MATN2: variants seen among roughly 807,000 people sequenced by gnomAD.
MATN2 encodes the protein matrilin-2.
In MATN2, 69 loss-of-function variants were observed where a neutral mutation model predicts 103.2. That is an observed-to-expected ratio of 0.67 (90% CI 0.55 to 0.82). The LOEUF (loss-of-function observed/expected upper bound fraction) is 0.82. Ranked by LOEUF, MATN2 falls within the 40% of genes least tolerant of loss-of-function variation. The pLI is 0.00. For synonymous variants in MATN2, 429 were observed against 450.2 expected (o/e 0.95, Z 0.60); for missense variants, 1,023 against 1,211.5 (o/e 0.84, Z 2.31).
chr8:98,017,980 T>C lies in MATN2; in HGVS notation c.1697-14T>C. 1 of 1,612,846 alleles carries C rather than the reference T, an allele frequency of 6.2e-7. No homozygotes were observed. The highest frequency in any genetic ancestry group is 8.5e-7 in the Non-Finnish European group (1 of 1,179,312). On this transcript the variant is annotated splice_polypyrimidine_tract_variant and intron_variant, in intron 11 of 18. Coordinates refer to ENST00000254898, the MANE Select transcript of MATN2 (RefSeq NM_002380.5). ...TGTTGTTGAAATTGTTGTAACTTGC[T>C]CTCCTGTCTTCAGGGAAAGATGTCT...
At chr8:97,912,395 T>A (rs1473185067) in intron 2 of MATN2, among the ~76,000 whole-genome samples, 1 of 152,114 alleles carries the variant, frequency 6.6e-6, no homozygotes, top group Non-Finnish European at 1.5e-5. Context: ...CTTAACGGAG[T>A]CAGCGAGAGC....
At chr8:98,033,709 C>A in intron 18 of MATN2, 50 bp downstream of exon 18, 2 of 1,154,738 alleles carry the variant, frequency 1.7e-6, no homozygotes, top group Non-Finnish European at 2.5e-6. Context: ...AGAATATTAT[C>A]AAAACTTCAC....
At chr8:97,896,696 A>G (rs1818818934) in intron 2 of MATN2, among the ~76,000 whole-genome samples, 1 of 150,594 alleles carries the variant, frequency 6.6e-6, no homozygotes, top group Non-Finnish European at 1.5e-5. Flanking sequence ...ATCAGGCAAC[A>G]TAACAGGGCT....
chr8:97,948,320 T>G (rs1003688506), intron 4 of MATN2, among the ~76,000 whole-genome samples: 4 of 152,216 alleles, frequency 2.6e-5, no homozygotes, highest in African/African-American at 9.6e-5. Context: ...GACTTGGGGT[T>G]ACAAGCAAAT....
Position 97,982,796 on chromosome 8 carries a change from G to A in MATN2, c.1081+3788G>A, listed in dbSNP as rs780763460. Among the ~76,000 whole-genome samples, 25 of 152,300 alleles carry A rather than the reference G, an allele frequency of 1.6e-4. No homozygotes were observed. Among genetic ancestry groups the A allele is most frequent in the South Asian group, 4.1e-4 (2 of 4,832 alleles). On this transcript the variant is annotated intron_variant, in intron 6 of 18. Coordinates refer to ENST00000254898, the MANE Select transcript of MATN2 (RefSeq NM_002380.5). The surrounding 1 kb of genome is among the most constrained non-coding windows in gnomAD (Gnocchi z 4.3). ...CCATCAGTTTGCAAAAAGTTAGCAA[G>A]ACTTTTCTTTTTCTGGTATTGTTAT... is the stretch of plus-strand genomic sequence containing the variant.
At chr8:97,884,609 A>G (rs1301642710) in intron 1 of MATN2, among the ~76,000 whole-genome samples, 2 of 152,066 alleles carry the variant, frequency 1.3e-5, no homozygotes, top group East Asian at 3.9e-4. Flanking sequence ...CGCCTCTACT[A>G]AAATACAAAA....
chr8:98,029,540 T>TA (rs374303149), intron 14 of MATN2, among the ~76,000 whole-genome samples: 22 of 152,334 alleles, frequency 1.4e-4, no homozygotes, highest in African/African-American at 5.1e-4. Context: ...GTCTTATGTA[T>TA]AGCAAACAGA....
At chr8:97,963,040 A>G (rs1811364339) in intron 5 of MATN2, among the ~76,000 whole-genome samples, 1 of 152,144 alleles carries the variant, frequency 6.6e-6, no homozygotes, top group South Asian at 2.1e-4. Flanking sequence ...GAGGGTGAGG[A>G]AGAAGAATCA....
intron 2 of MATN2, among the ~76,000 whole-genome samples, chr8:97,930,117 A>T (rs1028163603): frequency 6.6e-6 from 1 of 152,180 alleles, no homozygotes. Flanking sequence ...AACACCACGC[A>T]TCTATAAGGT....
At chr8:97,892,874 C>T (rs1052512853) in intron 2 of MATN2, among the ~76,000 whole-genome samples, 2 of 152,146 alleles carry the variant, frequency 1.3e-5, no homozygotes, top group Non-Finnish European at 2.9e-5. Flanking sequence ...GAGAATTGTT[C>T]CCAGTGAAGG....
rs1161226138 is a variant in MATN2 at position 98,027,480 on chromosome 8, G to T, written c.2007G>T (p.Glu669Asp). The change falls in exon 14 of 19, where the codon GAG (glutamate) becomes GAT (aspartate). Residue 669 changes from glutamate to aspartate, a missense_variant. Physicochemically the swap from Glu to Asp is conservative, Grantham distance 45 (BLOSUM62 2). Coordinates refer to ENST00000254898, the MANE Select transcript of MATN2 (RefSeq NM_002380.5). The stretch of plus-strand genomic sequence containing the variant: ...ATGGATCCAAGAGTCTTGGAGAAGA[G>T]AATTTTGAGGTCGTGAAGCAGTTTG... ...VIDGSKSLGE[E>D]NFEVVKQFVT... 1 of 1,613,902 alleles carries T rather than the reference G, an allele frequency of 6.2e-7. No individual in the cohort carries two copies. The highest frequency in any genetic ancestry group is 1.1e-5 in the South Asian group (1 of 91,074).
At chr8:97,963,271 C>T (rs1317817388) in intron 5 of MATN2, among the ~76,000 whole-genome samples, 1 of 152,128 alleles carries the variant, frequency 6.6e-6, no homozygotes, top group East Asian at 1.9e-4. Context: ...GCTGTTTGGT[C>T]AGGAGGAAAT....
intron 2 of MATN2, among the ~76,000 whole-genome samples, chr8:97,894,789 T>C (rs1000640360): frequency 6.6e-6 from 1 of 152,178 alleles, no homozygotes; most frequent in Non-Finnish European, 1.5e-5. Context: ...CAATGTGAAG[T>C]TGTTGGCTGC....
chr8:97,986,869 G>A (rs1812211784), intron 6 of MATN2, among the ~76,000 whole-genome samples: 1 of 152,066 alleles, frequency 6.6e-6, no homozygotes, highest in African/African-American at 2.4e-5. Flanking sequence ...GTCTCGCTCT[G>A]TGGCCCAGGC....
chr8:97,959,288 G>A (rs1038300648), intron 4 of MATN2, among the ~76,000 whole-genome samples: 2 of 152,210 alleles, frequency 1.3e-5, no homozygotes, highest in African/African-American at 4.8e-5. Context: ...CTGCGTGACA[G>A]CAGAAACCCC....
At chr8:98,032,102 T>C (rs1251206304) in intron 15 of MATN2, 144 bp from the exon 16 acceptor site, 2 of 622,242 alleles carry the variant, frequency 3.2e-6, no homozygotes, top group Admixed American at 6.1e-5. Context: ...ACTGCTTTTT[T>C]GAATCTTTGG....
intron 2 of MATN2, among the ~76,000 whole-genome samples, chr8:97,892,252 G>GA (rs1278492269): frequency 8.4e-4 from 116 of 137,492 alleles, no homozygotes; most frequent in African/African-American, 2.5e-3. Context: ...AAAAAAGAAA[G>GA]AAAAAAAAAA....
intron 6 of MATN2, among the ~76,000 whole-genome samples, chr8:97,981,003 C>T (rs1365021868): frequency 6.6e-6 from 1 of 151,594 alleles, no homozygotes; most frequent in African/African-American, 2.4e-5. Context: ...TGGAGGGACC[C>T]TATTTCTACA....
chr8:97,914,669 T>C (rs973797802), intron 2 of MATN2, among the ~76,000 whole-genome samples: 6 of 152,066 alleles, frequency 3.9e-5, no homozygotes, highest in African/African-American at 1.4e-4. Context: ...TCCAGACTTC[T>C]TATGCAGGAG....
Sources: gnomAD v4.1 joint callset for allele counts (sites outside exome capture counted in the v4.1 genomes callset) on GRCh38, gnomAD v4.1.1 for gene constraint, Gnocchi (gnomAD v3.1) non-coding constraint, MANE v1.5 for transcripts, NCBI Gene and HGNC (gene_info 2026-07-23, HGNC 2026-07-21) for gene names.